The following NRXN3 variants were observed in gnomAD, a reference collection of about 807,000 sequenced individuals.
NRXN3 encodes neurexin 3.
NRXN3 carries 32 observed loss-of-function variants against 137.6 expected under a neutral mutation model. That is an observed-to-expected ratio of 0.23 (90% CI 0.18 to 0.31). The LOEUF is 0.31. Ranked by LOEUF, NRXN3 falls within the 10% of genes least tolerant of loss-of-function variation. The pLI, the probability that NRXN3 is intolerant of heterozygous loss-of-function variation, is 1.00. For missense variants in NRXN3, 1,574 were observed against 2,062.5 expected (o/e 0.76, Z 4.59); for synonymous variants, 798 against 784.5 (o/e 1.02, Z -0.29).
chr14:79,133,008 C>G (rs751417923), intron 15 of NRXN3, among the ~76,000 whole-genome samples: 2 of 152,210 alleles, frequency 1.3e-5, no homozygotes, highest in African/African-American at 2.4e-5. Context: ...AGATGGTGCT[C>G]TGTGTCTGAG....
chr14:78,520,481 T>C (rs2096270007), intron 4 of NRXN3, among the ~76,000 whole-genome samples: 2 of 152,130 alleles, frequency 1.3e-5, no homozygotes, highest in South Asian at 2.1e-4. Context: ...GGTGAAACTT[T>C]GAAGATAGAC....
chr14:78,528,888 A>G (rs1430536047), intron 4 of NRXN3, among the ~76,000 whole-genome samples: 3 of 152,012 alleles, frequency 2.0e-5, no homozygotes, highest in Non-Finnish European at 4.4e-5. Context: ...ACCCCCTTAA[A>G]TTTTCTGCCT....
At chr14:79,834,595 A>G (rs574549730) in intron 20 of NRXN3, among the ~76,000 whole-genome samples, 40 of 152,196 alleles carry the variant, frequency 2.6e-4, no homozygotes, top group Non-Finnish European at 5.4e-4. Flanking sequence ...CTAGTAAACC[A>G]TAACCCTAAA....
At chr14:79,147,004 A>G (rs905494093) in intron 15 of NRXN3, among the ~76,000 whole-genome samples, 9 of 152,084 alleles carry the variant, frequency 5.9e-5, no homozygotes, top group Non-Finnish European at 1.2e-4. Flanking sequence ...AGTCTCTTCT[A>G]TCAGGTGGGA....
chr14:78,204,588 A>G (rs2062003841), intron 1 of NRXN3, among the ~76,000 whole-genome samples: 1 of 152,240 alleles, frequency 6.6e-6, no homozygotes, highest in Non-Finnish European at 1.5e-5. Context: ...CTATCATCAA[A>G]ATAACTTAAT....
At chr14:78,339,756 C>A (rs985826298) in intron 4 of NRXN3, among the ~76,000 whole-genome samples, 1 of 151,950 alleles carries the variant, frequency 6.6e-6, no homozygotes, top group Non-Finnish European at 1.5e-5. Context: ...CCATGTTGAC[C>A]CCAGAAATTA....
intron 6 of NRXN3, among the ~76,000 whole-genome samples, chr14:78,691,384 C>A (rs12882483): frequency 0.072 from 10,998 of 152,034 alleles, 707 homozygotes; most frequent in African/African-American, 0.17. Flanking sequence ...TACCCTCTAG[C>A]CAAACAGCCC....
At chr14:78,566,049 C>T (rs10132376) in intron 4 of NRXN3, among the ~76,000 whole-genome samples, 5,916 of 152,226 alleles carry the variant, frequency 0.039, 150 homozygotes, top group African/African-American at 0.072. Context: ...GCAGCTCTGC[C>T]TCAATGAAAC....
chr14:79,649,669 G>T (rs1718567342), intron 16 of NRXN3, among the ~76,000 whole-genome samples: 1 of 152,128 alleles, frequency 6.6e-6, no homozygotes, highest in South Asian at 2.1e-4. Flanking sequence ...AAGTAGAAAA[G>T]CTGGTTGATA....
chr14:78,274,027 T>C (rs1278545458), intron 2 of NRXN3, among the ~76,000 whole-genome samples: 1 of 152,128 alleles, frequency 6.6e-6, no homozygotes, highest in African/African-American at 2.4e-5. Context: ...TCCAGAGGCA[T>C]GGGGGAGTTG....
At chr14:78,574,760 A>G (rs1430207726) in intron 4 of NRXN3, among the ~76,000 whole-genome samples, 1 of 152,196 alleles carries the variant, frequency 6.6e-6, no homozygotes, top group Non-Finnish European at 1.5e-5. Context: ...ATTTTGAGTT[A>G]ATGCTGGAAT....
intron 2 of NRXN3, among the ~76,000 whole-genome samples, chr14:78,277,318 G>A (rs940146080): frequency 1.1e-4 from 17 of 152,238 alleles, no homozygotes; most frequent in African/African-American, 3.9e-4. Context: ...CCACTCATAG[G>A]GCAGGTGGGA....
At chr14:79,719,612 A>G (rs1212761833) in intron 19 of NRXN3, among the ~76,000 whole-genome samples, 2 of 152,088 alleles carry the variant, frequency 1.3e-5, no homozygotes, top group African/African-American at 2.4e-5. Context: ...GTATTGTAGA[A>G]AAAAATCACT....
At chr14:78,746,079 C>T (rs1228536868) in intron 8 of NRXN3, among the ~76,000 whole-genome samples, 1 of 152,206 alleles carries the variant, frequency 6.6e-6, no homozygotes, top group Non-Finnish European at 1.5e-5. Context: ...AGAGATTAAA[C>T]ACATTCTGCA....
intron 18 of NRXN3, among the ~76,000 whole-genome samples, chr14:79,692,711 C>CA (rs561689106): frequency 5.3e-5 from 8 of 151,658 alleles, no homozygotes; most frequent in Non-Finnish European, 1.2e-4. Flanking sequence ...AACAAACAAA[C>CA]AAAAAACCAT....
chr14:78,995,642 T>A (rs1275099394), intron 15 of NRXN3, among the ~76,000 whole-genome samples: 4 of 152,202 alleles, frequency 2.6e-5, no homozygotes, highest in Non-Finnish European at 5.9e-5. Flanking sequence ...TACTCTTCGA[T>A]ATTACTTTCA....
intron 10 of NRXN3, among the ~76,000 whole-genome samples, chr14:78,847,614 G>A (rs572602972): frequency 6.6e-6 from 1 of 152,180 alleles, no homozygotes; most frequent in East Asian, 1.9e-4. Flanking sequence ...AGCAGAGAAT[G>A]ATGCTGTACC....
At chr14:79,462,618 T>TATATAC (rs1002702240) in intron 15 of NRXN3, among the ~76,000 whole-genome samples, 3 of 150,872 alleles carry the variant, frequency 2.0e-5, no homozygotes, top group African/African-American at 7.3e-5. Flanking sequence ...TATATATATA[T>TATATAC]ACACACACAT....
intron 16 of NRXN3, among the ~76,000 whole-genome samples, chr14:79,506,784 T>G (rs759318543): frequency 2.0e-5 from 3 of 152,138 alleles, no homozygotes; most frequent in Non-Finnish European, 2.9e-5. Context: ...AGCTCTAGAA[T>G]GAGATTTTAG....
Sources: gnomAD v4.1 joint callset for allele counts (sites outside exome capture counted in the v4.1 genomes callset) on GRCh38, gnomAD v4.1.1 for gene constraint, MANE v1.5 for transcripts, NCBI Gene and HGNC (gene_info 2026-07-23, HGNC 2026-07-21) for gene names.